Variants in SPEG observed in about 807,000 individuals in gnomAD.
SPEG encodes striated muscle preferentially expressed protein kinase.
In SPEG, 114 loss-of-function variants were observed where a neutral mutation model predicts 300.4. The observed-to-expected ratio is 0.38, with a 90% confidence interval of 0.33 to 0.44. SPEG has a LOEUF of 0.44. Among genes scored for constraint, SPEG ranks in the 20% least tolerant of loss-of-function variants. SPEG has a pLI of 1.00. For synonymous variants in SPEG, 1,964 were observed against 2,018.9 expected, an observed-to-expected ratio of 0.97 and a Z score of 0.73; for missense variants, 4,201 against 4,586.2, an observed-to-expected ratio of 0.92 and a Z score of 2.43.
chr2:219,437,411 G>C (rs190476345), intron 1 of SPEG: 21 of 152,416 alleles, frequency 1.4e-4, no homozygotes, highest in African/African-American at 4.1e-4. Flanking sequence ...CGCTGAGCCT[G>C]GCTGGGCGTA....
In SPEG at chr2:219,483,626, C is replaced by G. The variant is rs1262544317; in HGVS notation, c.6163C>G (p.Arg2055Gly). ...CAGCCCGGGAGCCACCCGCCTGGCCCGGGGAGGCCTGGGTGAGGGCGAGTA... is the reference window on the plus strand; with the variant it reads ...CAGCCCGGGAGCCACCCGCCTGGCCGGGGGAGGCCTGGGTGAGGGCGAGTA... Reference protein sequence around the residue: ...SPSPGATRLARGGLGEGEYAQ... With the variant: ...SPSPGATRLAGGGLGEGEYAQ... Residue 2055 changes from arginine to glycine, a missense_variant, in exon 30 of 41, where the codon CGG (arginine) becomes GGG (glycine). By Grantham distance (125) the Arg-to-Gly change is moderately radical (BLOSUM62 -2). Transcript: ENST00000312358. 1.8e-5 allele frequency: 27 copies of G among 1,514,350 alleles called. No individual in the cohort carries two copies. Among genetic ancestry groups the G allele is most frequent in the Non-Finnish European group, 2.4e-5 (27 of 1,139,336 alleles). The allele number at this position is 1,514,350 out of a possible 1,614,324, so 93.8% of individuals were successfully genotyped here. A position where few individuals can be genotyped will look rare whatever the true frequency, so the allele number is the denominator to read the frequency against.
At position 219,485,365 on chromosome 2, in the gene SPEG, C is replaced by T. The variant is rs1693299299; in HGVS notation, c.7629C>T (p.Ser2543=). ...TCACAGCCCCAGGGGAAAGCCGAAG[C>T]CGGCTCCGCTGGGGCTTCTCTCGGC... The part of the protein sequence containing the change: ...SGSSAPGESR[S]RLRWGFSRPR... Residue 2543 remains serine (S), a synonymous_variant, in exon 31 of 41, where the codon AGC becomes AGT. Coordinates refer to ENST00000312358, the MANE Select transcript of SPEG (RefSeq NM_005876.5). The T allele has an allele frequency of 6.2e-7, 1 of 1,606,110 alleles. No homozygotes were observed. Among genetic ancestry groups the T allele is most frequent in the Admixed American group, 1.7e-5 (1 of 58,436 alleles).
At chr2:219,482,640 AG>A in intron 28 of SPEG, 143 bp from the exon 29 acceptor site, 1 of 673,730 alleles carries the variant, frequency 1.5e-6, no homozygotes, top group Non-Finnish European at 2.7e-6. Flanking sequence ...CCCAGGGGGA[AG>A]GGGACCCCCA....
At chr2:219,446,830 C>T (rs764104609) in intron 3 of SPEG, among the ~76,000 whole-genome samples, 1 of 152,182 alleles carries the variant, frequency 6.6e-6, no homozygotes, top group Non-Finnish European at 1.5e-5. Flanking sequence ...GTTCTTACCT[C>T]ACAGGGCTGT....
At chr2:219,441,714 T>C (rs542569443) in intron 1 of SPEG, 1 of 388,658 alleles carries the variant, frequency 2.6e-6, no homozygotes, top group African/African-American at 2.1e-5. Flanking sequence ...AGATGCAGGG[T>C]GGGGGTCCGT....
Position 219,448,180 on chromosome 2 carries a change from A to G in SPEG, c.1022A>G (p.Glu341Gly). ...ACGTCGCCCCACCGTCGCACTCAGG[A>G]GCCTGTGCTGCCCGAGGACACCACC... ...TPTSPHRRTQ[E>G]PVLPEDTTTE... The change falls in exon 4 of 41, where the codon GAG (glutamate) becomes GGG (glycine). Residue 341 changes from glutamate (E) to glycine (G), a missense_variant. Around this residue, in one of 4 missense-constraint regions of SPEG, gnomAD observed 1,258 missense variants for 1,293.9 expected, o/e 0.97. Coordinates refer to ENST00000312358, the MANE Select transcript of SPEG (RefSeq NM_005876.5). 2.5e-6 allele frequency: 4 copies of G among 1,611,998 alleles called. No individual in the cohort carries two copies. The highest frequency in any genetic ancestry group is 3.4e-6 in the Non-Finnish European group (4 of 1,179,468).
In SPEG at chr2:219,451,579, G is replaced by A. The variant is rs562537318; in HGVS notation, c.2258-46G>A. On this transcript the variant is annotated intron_variant, in intron 5 of 40. Transcript: ENST00000312358. This position sits in a 1 kb window ranked among gnomAD's most constrained non-coding sequence, Gnocchi z 6.4. ...GGGGTAGGAGTAGAGATTCTCAGTG[G>A]GCGCCTGTGGGCCGTGGCGAGCCGG... The A allele has an allele frequency of 6.9e-6, 10 of 1,454,546 alleles. No individual in the cohort carries two copies. In the South Asian group the frequency reaches 1.4e-4, roughly 20 times the overall value. 90.1% of individuals were successfully genotyped at this position (1,454,546 alleles called of 1,614,324 possible). A position where few individuals can be genotyped will look rare whatever the true frequency, so the allele number is the denominator to read the frequency against.
In SPEG at chr2:219,472,304, C is replaced by T. The variant is rs1559401358; in HGVS notation, c.3913C>T (p.Pro1305Ser). ...TGRMVTLTWNPPRSLDMAIDP... is the reference protein window; with the variant it reads ...TGRMVTLTWNSPRSLDMAIDP... ...GAGGATGGTCACACTCACATGGAAC[C>T]CCCCCAGGAGTCTGGACATGGCCAT... The change falls in exon 15 of 41, where the codon CCC (proline) becomes TCC (serine). Residue 1305 changes from proline (P) to serine (S), a missense_variant. Physicochemically the swap from Pro to Ser is moderately conservative, Grantham distance 74 (BLOSUM62 -1). Around this residue, in one of 4 missense-constraint regions of SPEG, gnomAD observed 1,047 missense variants for 1,356.8 expected, o/e 0.77. Coordinates refer to ENST00000312358, the MANE Select transcript of SPEG (RefSeq NM_005876.5). The T allele has an allele frequency of 6.2e-7, 1 of 1,613,736 alleles. No individual in the cohort carries two copies. The highest frequency in any genetic ancestry group is 1.3e-5 in the African/African-American group (1 of 75,048).
In SPEG at chr2:219,479,166, C is replaced by T. The variant is rs866479828; in HGVS notation, c.5050C>T (p.Arg1684Ter). The T allele has an allele frequency of 3.1e-6, 5 of 1,613,562 alleles. No individual in the cohort carries two copies. The highest frequency in any genetic ancestry group is 4.2e-6 in the Non-Finnish European group (5 of 1,179,962). ...TAGCTGCACAGAGGAGCTGCTGGAG[C>T]GAATCGCCAGGAAACCCACCGTGTG... The part of the protein sequence containing the change: ...TELCTEELLE[R>*]IARKPTVCES... The change falls in exon 23 of 41, where the codon CGA (arginine) becomes TGA (stop). Residue 1684 changes from arginine (R) to a stop codon, truncating the protein, a stop_gained. Transcript: ENST00000312358. LOFTEE classifies it high-confidence loss of function. This position sits in a 1 kb window ranked among gnomAD's most constrained non-coding sequence, Gnocchi z 5.5.
chr2:219,489,958 G>C lies in SPEG; in HGVS notation c.8921+19G>C, dbSNP rs773984272. The C allele has an allele frequency of 2.6e-6, 4 of 1,550,302 alleles. No individual in the cohort carries two copies. The highest frequency in any genetic ancestry group is 2.5e-5 in the South Asian group (2 of 81,126). On this transcript the variant is annotated intron_variant, in intron 36 of 40. Transcript: ENST00000312358. ...AAGCCAGGCAAGCAGGGCTGGGGAA[G>C]GGAAGAGGACAGAGGGGAGTGGGCC... is the stretch of plus-strand genomic sequence containing the variant.
chr2:219,462,348 C>T lies in SPEG; in HGVS notation c.2667C>T (p.Ser889=), dbSNP rs373573212. 1.8e-5 allele frequency: 28 copies of T among 1,567,176 alleles called. No homozygotes were observed. In the African/African-American group the frequency reaches 3.4e-4, roughly 19 times the overall value. Residue 889 remains serine (S), a synonymous_variant, in exon 8 of 41, where the codon AGC becomes AGT. Coordinates refer to ENST00000312358, the MANE Select transcript of SPEG (RefSeq NM_005876.5). ...GAGAAGGCCAAGATGTCATCATGAGCATCCGCGTGCAGGGGGAGCCCAAGC... is the reference window on the plus strand; with the variant it reads ...GAGAAGGCCAAGATGTCATCATGAGTATCCGCGTGCAGGGGGAGCCCAAGC... The part of the protein sequence containing the change: ...SVREGQDVIM[S]IRVQGEPKPV...
At position 219,443,196 on chromosome 2, in the gene SPEG, C is replaced by T. The variant is rs759712928; in HGVS notation, c.389-1457C>T. The T allele has an allele frequency of 2.2e-5, 35 of 1,577,298 alleles. No homozygotes were observed. In the East Asian group the frequency reaches 6.9e-4, roughly 31 times the overall value. On this transcript the variant is annotated intron_variant, in intron 1 of 40. Transcript: ENST00000312358. This position sits in a 1 kb window ranked among gnomAD's most constrained non-coding sequence, Gnocchi z 4.6. ...CTTGCTCTAGCCCATGCCTACTCCTCCTCTTGGTCCCTGTCCCTCTGTGAG... is the reference window on the plus strand; with the variant it reads ...CTTGCTCTAGCCCATGCCTACTCCTTCTCTTGGTCCCTGTCCCTCTGTGAG...
At chr2:219,438,497 T>C (rs1317087497) in intron 1 of SPEG, among the ~76,000 whole-genome samples, 1 of 152,238 alleles carries the variant, frequency 6.6e-6, no homozygotes, top group Non-Finnish European at 1.5e-5. Flanking sequence ...AATCCATCTC[T>C]GGCCTAGTCT....
chr2:219,461,885 G>C lies in SPEG; in HGVS notation c.2444G>C (p.Gly815Ala), dbSNP rs1168802628. 3.7e-6 allele frequency: 6 copies of C among 1,613,492 alleles called. No homozygotes were observed. Among genetic ancestry groups the C allele is most frequent in the Non-Finnish European group, 5.1e-6 (6 of 1,179,784 alleles). The change falls in exon 7 of 41, where the codon GGG becomes GCG. Residue 815 changes from glycine (G) to alanine (A), a missense_variant. Coordinates refer to ENST00000312358, the MANE Select transcript of SPEG (RefSeq NM_005876.5). ...AGCTATCTCTGTCTCTCTCCAGGTG[G>C]GTCTACATCCCCTTTCAGCAGCCCC... Reference protein sequence around the residue: ...CAASLTVRPGGSTSPFSSPIT... With the variant: ...CAASLTVRPGASTSPFSSPIT...
chr2:219,472,430 C>T (rs959787480), intron 15 of SPEG, 99 bp downstream of exon 15: 4 of 1,035,750 alleles, frequency 3.9e-6, no homozygotes, highest in Non-Finnish European at 5.9e-6. Context: ...AGCGGATGGG[C>T]AGGGGCAGGA....
chr2:219,473,646 T>C lies in SPEG; in HGVS notation c.4271+19T>C. The C allele has an allele frequency of 6.2e-7, 1 of 1,614,118 alleles. No individual in the cohort carries two copies. The highest frequency in any genetic ancestry group is 8.5e-7 in the Non-Finnish European group (1 of 1,180,000). On this transcript the variant is annotated intron_variant, in intron 17 of 40. Coordinates refer to ENST00000312358, the MANE Select transcript of SPEG (RefSeq NM_005876.5). The surrounding 1 kb of genome is among the most constrained non-coding windows in gnomAD (Gnocchi z 4.6). Reference sequence around the variant, plus strand: ...GGAGGAGGTGGGCCCCTTTCCCACATGTGGCAGCCCAGGTCTGGCCCAGCC... The same window carrying C: ...GGAGGAGGTGGGCCCCTTTCCCACACGTGGCAGCCCAGGTCTGGCCCAGCC...
At chr2:219,437,881 G>A (rs1265126517) in intron 1 of SPEG, among the ~76,000 whole-genome samples, 1 of 152,152 alleles carries the variant, frequency 6.6e-6, no homozygotes, top group African/African-American at 2.4e-5. Context: ...TTCTTGGTTG[G>A]AAACAACAGC....
At chr2:219,449,320 G>A in intron 4 of SPEG, 49 bp downstream of exon 4, 4 of 1,333,032 alleles carry the variant, frequency 3.0e-6, no homozygotes, top group Non-Finnish European at 2.9e-6. Flanking sequence ...CCGTCGGGGG[G>A]CGTTTGTGGA....
At position 219,485,327 on chromosome 2, in the gene SPEG, C is replaced by T. The variant is rs117122843; in HGVS notation, c.7610-19C>T. 6 of 1,597,740 alleles carry T rather than the reference C, an allele frequency of 3.8e-6. No individual in the cohort carries two copies. Among genetic ancestry groups the T allele is most frequent in the Non-Finnish European group, 3.4e-6 (4 of 1,173,202 alleles). On this transcript the variant is annotated intron_variant, in intron 30 of 40. Transcript: ENST00000312358. ...CTGGTACTGACTGAACAAATACTCACGGGCCTGAGTCTTCACAGCCCCAGG... is the reference window on the plus strand; with the variant it reads ...CTGGTACTGACTGAACAAATACTCATGGGCCTGAGTCTTCACAGCCCCAGG...
Sources: gnomAD v4.1 joint callset for allele counts (sites outside exome capture counted in the v4.1 genomes callset) on GRCh38, gnomAD v4.1.1 for gene constraint, gnomAD v4.1.1 regional missense constraint, Gnocchi (gnomAD v3.1) non-coding constraint, MANE v1.5 for transcripts, NCBI Gene and HGNC (gene_info 2026-07-23, HGNC 2026-07-21) for gene names.